The following MCC variants were observed in gnomAD, a reference collection of about 807,000 sequenced individuals.
MCC encodes MCC regulator of Wnt signaling pathway.
Under a neutral mutation model 116.2 loss-of-function variants are expected in MCC, and 90 were observed. That is an observed-to-expected ratio of 0.77 (90% confidence interval 0.65 to 0.92). MCC has a LOEUF of 0.92. Among genes scored for constraint, MCC ranks in the 40% least tolerant of loss-of-function variants. MCC has a pLI of 0.00. For missense variants in MCC, 1,516 were observed against 1,312.2 expected, an observed-to-expected ratio of 1.16 and a Z score of -2.40; for synonymous variants, 578 against 510.5, an observed-to-expected ratio of 1.13 and a Z score of -1.78.
At chr5:113,030,674 TCAAAA>T (rs1467306344) in intron 17 of MCC, among the ~76,000 whole-genome samples, 1 of 152,090 alleles carries the variant, frequency 6.6e-6, no homozygotes, top group South Asian at 2.1e-4. Context: ...TGAGACCATC[TCAAAA>T]CAAACAAAAA....
intron 1 of MCC, among the ~76,000 whole-genome samples, chr5:113,447,107 A>G (rs1771244100): frequency 6.6e-6 from 1 of 152,174 alleles, no homozygotes; most frequent in Non-Finnish European, 1.5e-5. Context: ...GATGAAAAAT[A>G]GGCATAAATT....
chr5:113,360,712 A>G (rs377251643), intron 2 of MCC, among the ~76,000 whole-genome samples: 1 of 152,188 alleles, frequency 6.6e-6, no homozygotes, highest in Non-Finnish European at 1.5e-5. Context: ...GCAAATATTG[A>G]CAGAAATCTG....
At chr5:113,029,907 G>A (rs1344184350) in intron 17 of MCC, among the ~76,000 whole-genome samples, 1 of 152,246 alleles carries the variant, frequency 6.6e-6, no homozygotes, top group Non-Finnish European at 1.5e-5. Context: ...CCATGGTCAT[G>A]TTGGGTTCTA....
intron 14 of MCC, among the ~76,000 whole-genome samples, chr5:113,055,836 T>C (rs2150224485): frequency 6.6e-6 from 1 of 152,304 alleles, no homozygotes; most frequent in South Asian, 2.1e-4. Context: ...ACTGTTTCCA[T>C]ACAGTGAGTG....
At position 113,046,032 on chromosome 5, in the gene MCC, T is replaced by C. The variant is rs550257558; in HGVS notation, c.2656-2402A>G. ...CCAGCAACAGCTAAGACCAGATGAATAGCCCAGATGGGAGATTTTATTCCA... is the reference window on the plus strand; with the variant it reads ...CCAGCAACAGCTAAGACCAGATGAACAGCCCAGATGGGAGATTTTATTCCA... On this transcript the variant is annotated intron_variant, in intron 16 of 18. Transcript: ENST00000408903. 2.0e-5 allele frequency among the ~76,000 whole-genome samples: 3 copies of C among 152,050 alleles called. No homozygotes were observed. The South Asian group carries it at 6.2e-4, about 32-fold the overall frequency.
At chr5:113,216,338 A>T (rs898885517) in intron 3 of MCC, among the ~76,000 whole-genome samples, 1 of 152,168 alleles carries the variant, frequency 6.6e-6, no homozygotes, top group African/African-American at 2.4e-5. Flanking sequence ...AAGGTATAAG[A>T]AGTCCTAGGA....
At chr5:113,282,429 G>C (rs978121735) in intron 3 of MCC, among the ~76,000 whole-genome samples, 1 of 152,162 alleles carries the variant, frequency 6.6e-6, no homozygotes, top group Non-Finnish European at 1.5e-5. Flanking sequence ...AAGCAGTTCA[G>C]ATGCCCAAAA....
chr5:113,171,783 C>T (rs1422521371), intron 3 of MCC, among the ~76,000 whole-genome samples: 1 of 152,172 alleles, frequency 6.6e-6, no homozygotes, highest in Non-Finnish European at 1.5e-5. Flanking sequence ...TCTCCAGAAT[C>T]TGTGAGGTTT....
intron 12 of MCC, among the ~76,000 whole-genome samples, chr5:113,068,877 G>C (rs1263677048): frequency 1.3e-5 from 2 of 152,176 alleles, no homozygotes; most frequent in Admixed American, 1.3e-4. Context: ...AAGAGACCCT[G>C]AACCAGAACC....
intron 3 of MCC, among the ~76,000 whole-genome samples, chr5:113,296,305 T>C (rs1766708415): frequency 6.6e-6 from 1 of 152,222 alleles, no homozygotes; most frequent in Admixed American, 6.5e-5. Context: ...TGAAGGTGTT[T>C]ATAGACTTGT....
intron 3 of MCC, among the ~76,000 whole-genome samples, chr5:113,168,277 T>A (rs934368346): frequency 6.6e-6 from 1 of 152,168 alleles, no homozygotes; most frequent in African/African-American, 2.4e-5. Flanking sequence ...AACTTACATA[T>A]GGAATATTAA....
At chr5:113,271,406 C>G (rs1765613863) in intron 3 of MCC, among the ~76,000 whole-genome samples, 1 of 152,066 alleles carries the variant, frequency 6.6e-6, no homozygotes, top group Non-Finnish European at 1.5e-5. Flanking sequence ...GACAAGAGGC[C>G]TACTTATAAT....
chr5:113,067,691 C>T (rs1446281898), intron 13 of MCC, among the ~76,000 whole-genome samples: 1 of 152,242 alleles, frequency 6.6e-6, no homozygotes, highest in Non-Finnish European at 1.5e-5. Context: ...CTTGGAGAAG[C>T]TCAGCCAATG....
At chr5:113,291,995 C>T (rs145759961) in intron 3 of MCC, among the ~76,000 whole-genome samples, 33 of 152,196 alleles carry the variant, frequency 2.2e-4, no homozygotes, top group Middle Eastern at 3.4e-3. Flanking sequence ...ATGTACAAGC[C>T]GAGGCAGGCG....
Position 113,085,441 on chromosome 5 carries a change from T to C in MCC, c.1399-131A>G, listed in dbSNP as rs1755147318. ...CCACTGAAAAGCTAGGTTGGTTGAGTCCACATAAAAGTCATTATATTCCTT... is the reference window on the plus strand; with the variant it reads ...CCACTGAAAAGCTAGGTTGGTTGAGCCCACATAAAAGTCATTATATTCCTT... On this transcript the variant is annotated intron_variant, in intron 8 of 18. Transcript: ENST00000408903. 4 of 820,414 alleles carry C rather than the reference T, an allele frequency of 4.9e-6. No homozygotes were observed. The South Asian group carries it at 7.2e-5, about 15-fold the overall frequency. 50.8% of individuals were successfully genotyped at this position (820,414 alleles called of 1,614,324 possible).
chr5:113,047,489 C>T (rs1752174621), intron 16 of MCC, among the ~76,000 whole-genome samples: 2 of 152,180 alleles, frequency 1.3e-5, no homozygotes, highest in African/African-American at 4.8e-5. Context: ...GTGAATCATG[C>T]TTCAGAGTTC....
At chr5:113,082,448 C>T (rs922426108) in intron 11 of MCC, among the ~76,000 whole-genome samples, 11 of 152,228 alleles carry the variant, frequency 7.2e-5, no homozygotes, top group Non-Finnish European at 1.6e-4. Context: ...TGGTTCTCTG[C>T]AGCACAGGCC....
intron 3 of MCC, among the ~76,000 whole-genome samples, chr5:113,247,414 G>A (rs57867880): frequency 0.047 from 7,131 of 152,278 alleles, 544 homozygotes; most frequent in African/African-American, 0.16. Flanking sequence ...TAAGTGAAGA[G>A]TAAAGAGAAC....
chr5:113,202,670 C>A (rs1762734210), intron 3 of MCC, among the ~76,000 whole-genome samples: 1 of 151,946 alleles, frequency 6.6e-6, no homozygotes, highest in Non-Finnish European at 1.5e-5. Flanking sequence ...TTAGCCTCTG[C>A]TTGCAGAGAT....
Sources: allele counts gnomAD v4.1 joint callset (sites outside exome capture counted in the v4.1 genomes callset), GRCh38; gene constraint gnomAD v4.1.1; transcripts MANE v1.5; gene names NCBI Gene and HGNC (gene_info 2026-07-23, HGNC 2026-07-21).